Variants in MGAT5 observed in about 807,000 individuals in gnomAD.
MGAT5 encodes the protein alpha-1,6-mannosylglycoprotein 6-beta-N-acetylglucosaminyltransferase.
Under a neutral mutation model 94.3 loss-of-function variants are expected in MGAT5, and 30 were observed. That is an observed-to-expected ratio of 0.32 (90% CI 0.24 to 0.43). MGAT5 has a LOEUF of 0.43. MGAT5 is among the 20% of genes least tolerant of loss of function. The probability of loss-of-function intolerance (pLI) is 1.00; values close to 1 mark genes in which losing one functional copy is unlikely to be tolerated. For synonymous variants in MGAT5, 310 were observed against 322.9 expected (o/e 0.96, Z 0.43); for missense variants, 691 against 905.5 (o/e 0.76, Z 3.04).
intron 1 of MGAT5, among the ~76,000 whole-genome samples, chr2:134,218,075 TC>T (rs1294778768): frequency 1.3e-5 from 2 of 152,214 alleles, no homozygotes; most frequent in Non-Finnish European, 2.9e-5. Flanking sequence ...TCTTCCACTT[TC>T]CTTTTCAAGA....
intron 2 of MGAT5, among the ~76,000 whole-genome samples, chr2:134,311,248 T>C (rs1686636662): frequency 6.6e-6 from 1 of 152,300 alleles, no homozygotes; most frequent in Non-Finnish European, 1.5e-5. Context: ...ACCTACTTTT[T>C]CTTCTATTTT....
chr2:134,364,312 T>C (rs901064700), intron 10 of MGAT5, among the ~76,000 whole-genome samples: 1 of 152,146 alleles, frequency 6.6e-6, no homozygotes, highest in African/African-American at 2.4e-5. Context: ...CCAGCCTGAC[T>C]AACATGGTGA....
At chr2:134,205,031 G>A (rs1457924168) in intron 1 of MGAT5, among the ~76,000 whole-genome samples, 6 of 152,216 alleles carry the variant, frequency 3.9e-5, no homozygotes, top group Non-Finnish European at 7.3e-5. Flanking sequence ...AGAAGGAGCA[G>A]CAAGTGCAAC....
chr2:134,254,457 G>C lies in MGAT5; in HGVS notation c.54G>C (p.Leu18=). 1.9e-6 allele frequency: 3 copies of C among 1,614,170 alleles called. No homozygotes were observed. Among genetic ancestry groups the C allele is most frequent in the East Asian group, 2.2e-5 (1 of 44,888 alleles). ...CCTCTCAGAAGCTGGGCTTTTTCCT[G>C]GTGACTTTTGGCTTCATTTGGGGTA... ...KLSSQKLGFF[L]VTFGFIWGMM... The change falls in exon 1 of 16, where the codon CTG becomes CTC. Residue 18 remains leucine (L), a synonymous_variant. Transcript: ENST00000281923.
chr2:134,445,317 G>A (rs1685709028), intron 15 of MGAT5, among the ~76,000 whole-genome samples: 3 of 152,114 alleles, frequency 2.0e-5, no homozygotes, highest in South Asian at 4.1e-4. Context: ...GTTCTGATTT[G>A]GTAATACTCC....
At chr2:134,358,565 T>C (rs775822685) in intron 9 of MGAT5, among the ~76,000 whole-genome samples, 1 of 152,172 alleles carries the variant, frequency 6.6e-6, no homozygotes, top group Non-Finnish European at 1.5e-5. Flanking sequence ...CTACACCGAC[T>C]GTGAGGGCTA....
chr2:134,325,425 C>G (rs1687585624), intron 4 of MGAT5, among the ~76,000 whole-genome samples: 1 of 152,012 alleles, frequency 6.6e-6, no homozygotes, highest in Non-Finnish European at 1.5e-5. Flanking sequence ...AAGAGTTTAA[C>G]AAACTCCTGT....
At chr2:134,424,488 A>G (rs966545234) in intron 13 of MGAT5, among the ~76,000 whole-genome samples, 4 of 152,218 alleles carry the variant, frequency 2.6e-5, no homozygotes, top group African/African-American at 9.7e-5. Context: ...CCGAGCTGAT[A>G]AAAGAAGTGC....
intron 10 of MGAT5, among the ~76,000 whole-genome samples, chr2:134,378,481 C>T (rs1681328592): frequency 1.3e-5 from 2 of 152,142 alleles, no homozygotes; most frequent in African/African-American, 4.8e-5. Flanking sequence ...AGAGACAGAC[C>T]GGAATTTGTT....
At chr2:134,397,064 A>T (rs1254364856) in intron 10 of MGAT5, among the ~76,000 whole-genome samples, 1 of 152,244 alleles carries the variant, frequency 6.6e-6, no homozygotes, top group Non-Finnish European at 1.5e-5. Flanking sequence ...AGACCTTAGC[A>T]GATGACAGAG....
chr2:134,155,775 C>T (rs1687444266), intron 1 of MGAT5, among the ~76,000 whole-genome samples: 1 of 152,112 alleles, frequency 6.6e-6, no homozygotes. Flanking sequence ...AAGTACCATG[C>T]TCTCCCCAGC....
chr2:134,164,849 AAACC>A (rs1487863857), intron 1 of MGAT5, among the ~76,000 whole-genome samples: 2 of 152,002 alleles, frequency 1.3e-5, no homozygotes, highest in South Asian at 2.1e-4. Flanking sequence ...CAAAAAAAAA[AAACC>A]AAACCAAACA....
At chr2:134,158,589 C>G (rs1687586724) in intron 1 of MGAT5, among the ~76,000 whole-genome samples, 2 of 152,170 alleles carry the variant, frequency 1.3e-5, no homozygotes, top group Non-Finnish European at 2.9e-5. Context: ...GCAGGGATGC[C>G]CGGGTCCACA....
At chr2:134,375,237 G>T (rs77695075) in intron 10 of MGAT5, among the ~76,000 whole-genome samples, 2,433 of 152,268 alleles carry the variant, frequency 0.016, 27 homozygotes, top group Non-Finnish European at 0.024. Context: ...AGAGGTAAAG[G>T]TTCCTCAGGT....
intron 10 of MGAT5, among the ~76,000 whole-genome samples, chr2:134,383,592 A>G (rs1573975385): frequency 6.6e-6 from 1 of 152,334 alleles, no homozygotes; most frequent in South Asian, 2.1e-4. Flanking sequence ...TGCAGCTGGT[A>G]TCCACTTGTT....
intron 12 of MGAT5, among the ~76,000 whole-genome samples, chr2:134,418,338 A>G (rs746569335): frequency 6.6e-6 from 1 of 152,142 alleles, no homozygotes; most frequent in Non-Finnish European, 1.5e-5. Flanking sequence ...TGTCCCTTCA[A>G]CCCTTCAGAT....
intron 1 of MGAT5, among the ~76,000 whole-genome samples, chr2:134,168,677 G>C (rs902691522): frequency 2.6e-5 from 4 of 152,132 alleles, no homozygotes; most frequent in African/African-American, 9.7e-5. Flanking sequence ...TTATAAATGT[G>C]GTCATGATTT....
chr2:134,159,481 A>T (rs150340466), intron 1 of MGAT5, among the ~76,000 whole-genome samples: 2 of 152,294 alleles, frequency 1.3e-5, no homozygotes, highest in Non-Finnish European at 2.9e-5. Flanking sequence ...TGAACAGCAA[A>T]CATCTGTCGA....
intron 15 of MGAT5, among the ~76,000 whole-genome samples, chr2:134,446,804 G>C (rs1419860929): frequency 1.3e-5 from 2 of 152,202 alleles, no homozygotes; most frequent in African/African-American, 2.4e-5. Context: ...CAGTTCACAC[G>C]TGCAGGAGGC....
Sources: gnomAD v4.1 joint callset for allele counts (sites outside exome capture counted in the v4.1 genomes callset) on GRCh38, gnomAD v4.1.1 for gene constraint, MANE v1.5 for transcripts, NCBI Gene and HGNC (gene_info 2026-07-23, HGNC 2026-07-21) for gene names.